MICU2: variants seen among roughly 807,000 people sequenced by gnomAD.
MICU2 encodes the protein calcium uptake protein 2, mitochondrial.
In MICU2, 64 loss-of-function variants were observed where a neutral mutation model predicts 60.4. The ratio of observed to expected loss-of-function variants is 1.06; its 90% CI spans 0.87 to 1.31. The LOEUF (loss-of-function observed/expected upper bound fraction) is 1.31, where lower values mean the gene tolerates loss of function less well. Among genes scored for constraint, MICU2 ranks in the 50% most tolerant of loss-of-function variants. The pLI, the probability that MICU2 is intolerant of heterozygous loss-of-function variation, is 0.00. For synonymous variants in MICU2, 201 were observed against 175.0 expected (o/e 1.15, Z -1.17); for missense variants, 569 against 531.0 (o/e 1.07, Z -0.70).
rs368459340 is a variant in MICU2, at chr13:21,549,821, A to C, written c.359-10133T>G. Among the ~76,000 whole-genome samples the C allele has an allele frequency of 2.1e-3, 323 of 152,290 alleles. 1 individual carries two copies. The highest frequency in any genetic ancestry group is 7.5e-3 in the African/African-American group (313 of 41,562). On this transcript the variant is annotated intron_variant, in intron 2 of 11. Transcript: ENST00000382374. ...TGCTGAACAGACTTACTTTAACTTTATAATAATTAATAACCTCAAGTGGGA... is the reference window on the plus strand; with the variant it reads ...TGCTGAACAGACTTACTTTAACTTTCTAATAATTAATAACCTCAAGTGGGA...
intron 1 of MICU2, chr13:21,603,647 A>T (rs1307557516): frequency 2.0e-6 from 1 of 501,728 alleles, no homozygotes; most frequent in Non-Finnish European, 3.5e-6. Context: ...GCCCACACTC[A>T]TCACCACTAA....
rs756356165 is a variant in MICU2 at position 21,510,022 on chromosome 13, TGAA to T, written c.740_742del (p.Leu247del). 1 of 1,537,784 alleles carries T rather than the reference TGAA, an allele frequency of 6.5e-7. No homozygotes were observed. Among genetic ancestry groups the T allele is most frequent in the Non-Finnish European group, 8.7e-7 (1 of 1,149,522 alleles). On this transcript the variant is annotated inframe_deletion, in exon 8 of 12. Transcript: ENST00000382374. ...CATTTACCTTCGAAATTCTTTATAATGAAGTTTTCTTTGTCCTCTTTTTCCAAA... is the reference window on the plus strand; with the variant it reads ...CATTTACCTTCGAAATTCTTTATAATGTTTTCTTTGTCCTCTTTTTCCAAA...
chr13:21,567,083 A>G, intron 1 of MICU2, 139 bp from the exon 2 acceptor site: 1 of 689,454 alleles, frequency 1.5e-6, no homozygotes, highest in East Asian at 2.8e-5. Flanking sequence ...AACAAATATT[A>G]ACTGAGTGCC....
intron 1 of MICU2, among the ~76,000 whole-genome samples, chr13:21,585,854 AAT>A (rs1273147705): frequency 2.6e-5 from 4 of 152,216 alleles, no homozygotes; most frequent in Non-Finnish European, 5.9e-5. Context: ...CAAAATAAAA[AAT>A]GAGTTCAAAA....
At chr13:21,593,510 A>C (rs1355654400) in intron 1 of MICU2, among the ~76,000 whole-genome samples, 2 of 150,204 alleles carry the variant, frequency 1.3e-5, no homozygotes, top group Non-Finnish European at 3.0e-5. Flanking sequence ...TTAAAAAAAA[A>C]ACACAAAAAC....
chr13:21,515,334 G>A (rs545025655), intron 6 of MICU2, among the ~76,000 whole-genome samples: 3 of 152,118 alleles, frequency 2.0e-5, no homozygotes, highest in African/African-American at 4.8e-5. Flanking sequence ...CACCTGCCTC[G>A]GCCTCCCAAA....
At position 21,557,571 on chromosome 13, in the gene MICU2, C is replaced by T. The variant is rs371576598; in HGVS notation, c.358+9226G>A. The stretch of plus-strand genomic sequence containing the variant: ...AAAAAATCCAAAAAGATACATACTA[C>T]GTAAAAATGAGTTTAGGATCTAATA... On this transcript the variant is annotated intron_variant, in intron 2 of 11. Transcript: ENST00000382374. 1.2e-3 allele frequency among the ~76,000 whole-genome samples: 183 copies of T among 152,282 alleles called. 3 individuals carry two copies. In the South Asian group the frequency reaches 0.034, roughly 28 times the overall value.
At position 21,603,968 on chromosome 13, in the gene MICU2, G is replaced by A. The variant is rs1888893430; in HGVS notation, c.181C>T (p.Arg61Trp). 2 of 1,612,370 alleles carry A rather than the reference G, an allele frequency of 1.2e-6. No individual in the cohort carries two copies. Among genetic ancestry groups the A allele is most frequent in the South Asian group, 1.1e-5 (1 of 91,066 alleles). Residue 61 changes from arginine (R) to tryptophan (W), a missense_variant, in exon 1 of 12, where the codon CGG becomes TGG. Physicochemically the swap from Arg to Trp is moderately radical, Grantham distance 101. Transcript: ENST00000382374. Reference sequence around the variant, plus strand: ...GCGGAGACTGTAAAACTGCCATCCCGCGCCGCAACACTGACGCGGCTGTGG... The same window carrying A: ...GCGGAGACTGTAAAACTGCCATCCCACGCCGCAACACTGACGCGGCTGTGG... ...WHHSRVSVAARDGSFTVSAQK... is the reference protein window; with the variant it reads ...WHHSRVSVAAWDGSFTVSAQK...
intron 2 of MICU2, among the ~76,000 whole-genome samples, chr13:21,562,695 C>T (rs1029109151): frequency 1.3e-5 from 2 of 152,140 alleles, no homozygotes; most frequent in African/African-American, 2.4e-5. Flanking sequence ...TCCCTTATAC[C>T]GTTGCTGTTA....
At chr13:21,592,943 T>G (rs1214170027) in intron 1 of MICU2, among the ~76,000 whole-genome samples, 1 of 152,196 alleles carries the variant, frequency 6.6e-6, no homozygotes, top group Non-Finnish European at 1.5e-5. Flanking sequence ...AGCATTCCCT[T>G]TGAAAACCAG....
chr13:21,496,070 G>A lies in MICU2; in HGVS notation c.1024C>T (p.His342Tyr), dbSNP rs753109859. ...AIAMQMFSLA[H>Y]RPVRLAEFKR... is the part of the protein sequence containing the mutation. ...AACTTACCTAGTCTGACAGGACGATGAGCTAAACTGAACATCTGCATGGCA... is the reference window on the plus strand; with the variant it reads ...AACTTACCTAGTCTGACAGGACGATAAGCTAAACTGAACATCTGCATGGCA... Residue 342 changes from histidine to tyrosine, a missense_variant, in exon 10 of 12, where the codon CAT becomes TAT. Physicochemically the swap from His to Tyr is moderately conservative, Grantham distance 83. Transcript: ENST00000382374. 6.2e-6 allele frequency: 10 copies of A among 1,613,484 alleles called. No homozygotes were observed. Among genetic ancestry groups the A allele is most frequent in the Non-Finnish European group, 7.6e-6 (9 of 1,179,646 alleles).
intron 10 of MICU2, 77 bp from the exon 11 acceptor site, chr13:21,495,395 G>T: frequency 7.5e-7 from 1 of 1,326,506 alleles, no homozygotes; most frequent in South Asian, 2.2e-5. Context: ...TTCATTATTT[G>T]AGAAGTAAAA....
chr13:21,602,813 G>A (rs189774713), intron 1 of MICU2: 1 of 152,164 alleles, frequency 6.6e-6, no homozygotes, highest in African/African-American at 2.4e-5. Flanking sequence ...AAGGCATAAT[G>A]TAAATCTAAA....
At chr13:21,590,477 T>A (rs889512974) in intron 1 of MICU2, among the ~76,000 whole-genome samples, 2 of 152,190 alleles carry the variant, frequency 1.3e-5, no homozygotes, top group African/African-American at 4.8e-5. Flanking sequence ...AAAATAAATC[T>A]TCTCTTTGTG....
intron 1 of MICU2, 106 bp from the exon 2 acceptor site, chr13:21,567,050 C>T: frequency 1.1e-6 from 1 of 927,590 alleles, no homozygotes; most frequent in Admixed American, 3.2e-5. Flanking sequence ...TGACAATCCC[C>T]AAACTTTTAA....
intron 9 of MICU2, among the ~76,000 whole-genome samples, chr13:21,499,816 G>C (rs1886099337): frequency 7.2e-6 from 1 of 139,200 alleles, no homozygotes; most frequent in Non-Finnish European, 1.6e-5. Flanking sequence ...GGGAGGCCGA[G>C]AGTTTGGGAC....
At chr13:21,576,807 CT>C (rs1888237284) in intron 1 of MICU2, among the ~76,000 whole-genome samples, 5 of 152,294 alleles carry the variant, frequency 3.3e-5, no homozygotes, top group Admixed American at 6.5e-5. Flanking sequence ...TGCCCCACCC[CT>C]AACCCTATAC....
intron 1 of MICU2, among the ~76,000 whole-genome samples, chr13:21,589,885 G>A (rs1185248831): frequency 7.6e-6 from 1 of 132,262 alleles, no homozygotes; most frequent in Non-Finnish European, 1.8e-5. Context: ...ACGTGCGTCA[G>A]GGATAAGAAC....
chr13:21,562,041 T>G (rs1887858214), intron 2 of MICU2, among the ~76,000 whole-genome samples: 1 of 151,220 alleles, frequency 6.6e-6, no homozygotes, highest in Admixed American at 6.6e-5. Context: ...GGACATGAAC[T>G]CATCATTTTT....
Sources: allele counts gnomAD v4.1 joint callset (sites outside exome capture counted in the v4.1 genomes callset), GRCh38; gene constraint gnomAD v4.1.1; transcripts MANE v1.5; gene names NCBI Gene and HGNC (gene_info 2026-07-23, HGNC 2026-07-21).